The following S100A8 variants were observed in gnomAD, a reference collection of about 807,000 sequenced individuals.
The protein encoded by S100A8 is protein S100-A8.
A neutral mutation model predicts 4.2 loss-of-function variants in S100A8; 1 was observed. That is an observed-to-expected ratio of 0.24 (90% confidence interval 0.08 to 1.12). The LOEUF is 1.12. Ranked by LOEUF, S100A8 falls within the 50% of genes most tolerant of loss-of-function variation. The pLI, the probability that S100A8 is intolerant of heterozygous loss-of-function variation, is 0.53. For synonymous variants in S100A8, 41 were observed against 44.7 expected, an observed-to-expected ratio of 0.92 and a Z score of 0.33; for missense variants, 96 against 111.8, an observed-to-expected ratio of 0.86 and a Z score of 0.64.
At chr1:153,400,668 C>T in the S100A8 span, among the ~76,000 whole-genome samples, 1 of 152,184 alleles carries the variant, frequency 6.6e-6, no homozygotes, top group African/African-American at 2.4e-5. Flanking sequence ...AATACACTTT[C>T]CTGTTTCTAA....
the S100A8 span, among the ~76,000 whole-genome samples, chr1:153,409,035 A>G: frequency 6.6e-6 from 1 of 152,368 alleles, no homozygotes; most frequent in Non-Finnish European, 1.5e-5. Context: ...GCCAAACTGT[A>G]AAGACCATTG....
At chr1:153,400,747 T>C in the S100A8 span, among the ~76,000 whole-genome samples, 1 of 152,342 alleles carries the variant, frequency 6.6e-6, no homozygotes, top group Admixed American at 6.5e-5. Flanking sequence ...TCGAATTCTT[T>C]GGTTCAGCCA....
In S100A8 at chr1:153,390,380, C is replaced by T; in HGVS notation, c.141+15G>A. ...ACCAGGCAGAGAGCCCCCGCCACAC[C>T]CAGCCCCTCCTCACCCTGATATACT... On this transcript the variant is annotated intron_variant, in intron 2 of 2. Coordinates refer to ENST00000368733, the MANE Select transcript of S100A8 (RefSeq NM_002964.5). The T allele has an allele frequency of 6.2e-7, 1 of 1,613,630 alleles. No individual in the cohort carries two copies. The highest frequency in any genetic ancestry group is 8.5e-7 in the Non-Finnish European group (1 of 1,179,628).
chr1:153,403,956 C>A, the S100A8 span, among the ~76,000 whole-genome samples: 18 of 152,254 alleles, frequency 1.2e-4, 1 homozygote, highest in East Asian at 3.5e-3. Context: ...AGCACCTGAC[C>A]GCCCATACTT....
chr1:153,410,088 A>G, the S100A8 span, among the ~76,000 whole-genome samples: 1 of 152,226 alleles, frequency 6.6e-6, no homozygotes, highest in Non-Finnish European at 1.5e-5. Flanking sequence ...GCAAGAGCAA[A>G]CACATTCAAA....
At chr1:153,407,725 G>T in the S100A8 span, among the ~76,000 whole-genome samples, 21 of 152,198 alleles carry the variant, frequency 1.4e-4, no homozygotes, top group Non-Finnish European at 2.5e-4. Context: ...CCCAGCAGGG[G>T]CCAACTGACA....
At position 153,390,549 on chromosome 1, in the gene S100A8, T is replaced by C. The variant is rs1198328588; in HGVS notation, c.-14A>G. On this transcript the variant is annotated 5_prime_UTR_variant, in exon 2 of 3. Transcript: ENST00000368733. ...CTCGGTCAACATGATGCCCACGGAC[T>C]TGCCCCACCTGAAAAACAGAACCTT... 4 of 1,614,024 alleles carry C rather than the reference T, an allele frequency of 2.5e-6. No individual in the cohort carries two copies. Among genetic ancestry groups the C allele is most frequent in the Admixed American group, 3.3e-5 (2 of 60,020 alleles).
the S100A8 span, among the ~76,000 whole-genome samples, chr1:153,415,750 T>G: frequency 3.2e-3 from 488 of 151,760 alleles, 2 homozygotes; most frequent in African/African-American, 0.011. Flanking sequence ...TCAACCTAGA[T>G]AGTGAGGCCC....
Position 153,390,455 on chromosome 1 carries a change from A to G in S100A8, c.81T>C (p.His27=), listed in dbSNP as rs754042256. 2 of 1,614,080 alleles carry G rather than the reference A, an allele frequency of 1.2e-6. No homozygotes were observed. The highest frequency in any genetic ancestry group is 2.2e-5 in the East Asian group (1 of 44,884). Residue 27 remains histidine, a synonymous_variant, in exon 2 of 3, where the codon CAT becomes CAC. Transcript: ENST00000368733. ...HKYSLIKGNF[H]AVYRDDLKKL... ...TCTTCAGGTCATCCCTGTAGACGGCATGGAAATTCCCCTTTATCAGGGAGT... is the reference window on the plus strand; with the variant it reads ...TCTTCAGGTCATCCCTGTAGACGGCGTGGAAATTCCCCTTTATCAGGGAGT...
the S100A8 span, among the ~76,000 whole-genome samples, chr1:153,404,248 A>G: frequency 6.8e-6 from 1 of 147,652 alleles, no homozygotes; most frequent in African/African-American, 2.6e-5. Context: ...TTTCTATGGC[A>G]GTCACTTCAT....
At chr1:153,394,581 T>C (rs1286730109), upstream of S100A8, among the ~76,000 whole-genome samples, 2 of 152,058 alleles carry the variant, frequency 1.3e-5, no homozygotes, top group Non-Finnish European at 2.9e-5. Context: ...TGGCAGAAGA[T>C]GCCCTTCCAC....
chr1:153,415,473 A>G, the S100A8 span, among the ~76,000 whole-genome samples: 1 of 152,118 alleles, frequency 6.6e-6, no homozygotes, highest in Non-Finnish European at 1.5e-5. Flanking sequence ...GTGATTCATC[A>G]TCTCCTTTTC....
the S100A8 span, among the ~76,000 whole-genome samples, chr1:153,396,397 T>C: frequency 1.3e-5 from 2 of 152,370 alleles, no homozygotes; most frequent in East Asian, 3.9e-4. Context: ...TGACAAATCC[T>C]TGGAAATATG....
rs772703261 is a variant in S100A8 at position 153,390,497 on chromosome 1, G to A, written c.39C>T (p.Ile13=). The A allele has an allele frequency of 9.9e-6, 16 of 1,614,084 alleles. No individual in the cohort carries two copies. Among genetic ancestry groups the A allele is most frequent in the African/African-American group, 4.0e-5 (3 of 74,914 alleles). ...TCAGGGAGTACTTGTGGTAGACGTC[G>A]ATGATAGAGTTCAAGGCTTTCTCCA... ...TELEKALNSI[I]DVYHKYSLIK... is the part of the protein sequence containing the mutation. The change falls in exon 2 of 3, where the codon ATC becomes ATT. Residue 13 remains isoleucine, a synonymous_variant. Transcript: ENST00000368733.
chr1:153,413,763 T>C, the S100A8 span, among the ~76,000 whole-genome samples: 2 of 151,572 alleles, frequency 1.3e-5, no homozygotes, highest in African/African-American at 4.8e-5. Context: ...TAGCTGGATA[T>C]AGTGGCAGGC....
At chr1:153,391,925 A>ACG (rs2101609964), upstream of S100A8, among the ~76,000 whole-genome samples, 1 of 152,284 alleles carries the variant, frequency 6.6e-6, no homozygotes, top group East Asian at 1.9e-4. Flanking sequence ...GAGAAGCCAG[A>ACG]CGCGCTTCAT....
chr1:153,400,411 G>A, the S100A8 span, among the ~76,000 whole-genome samples: 1 of 151,976 alleles, frequency 6.6e-6, no homozygotes, highest in South Asian at 2.1e-4. Flanking sequence ...CTCCCAGCCG[G>A]CCCCTTCTAC....
At chr1:153,401,181 G>A in the S100A8 span, among the ~76,000 whole-genome samples, 1 of 152,282 alleles carries the variant, frequency 6.6e-6, no homozygotes, top group East Asian at 1.9e-4. Flanking sequence ...AGTACATAGC[G>A]ATCATCTGTT....
the S100A8 span, among the ~76,000 whole-genome samples, chr1:153,410,694 G>A: frequency 2.4e-4 from 37 of 152,154 alleles, no homozygotes; most frequent in African/African-American, 8.7e-4. Context: ...GAGAATATTA[G>A]ACCAATATCC....
Sources: allele counts gnomAD v4.1 joint callset (sites outside exome capture counted in the v4.1 genomes callset), GRCh38; gene constraint gnomAD v4.1.1; transcripts MANE v1.5; gene names NCBI Gene and HGNC (gene_info 2026-07-23, HGNC 2026-07-21).